Variants in HS6ST3 observed in about 807,000 individuals in gnomAD.
HS6ST3 encodes the protein heparan-sulfate 6-O-sulfotransferase 3.
In HS6ST3, 12 loss-of-function variants were observed where a neutral mutation model predicts 36.7. That is an observed-to-expected ratio of 0.33 (90% confidence interval 0.21 to 0.53). HS6ST3 has a LOEUF of 0.53. Among genes scored for constraint, HS6ST3 ranks in the 20% least tolerant of loss-of-function variants. The pLI is 0.95. For missense variants in HS6ST3, 584 were observed against 640.9 expected (o/e 0.91, Z 0.96); for synonymous variants, 240 against 257.5 (o/e 0.93, Z 0.65).
chr13:96,501,186 C>T (rs1316454402), intron 1 of HS6ST3, among the ~76,000 whole-genome samples: 1 of 152,128 alleles, frequency 6.6e-6, no homozygotes, highest in African/African-American at 2.4e-5. Flanking sequence ...TGAGATTAGT[C>T]ATTAGTGTGT....
intron 1 of HS6ST3, among the ~76,000 whole-genome samples, chr13:96,443,187 T>A (rs918571393): frequency 1.3e-4 from 19 of 148,538 alleles, no homozygotes; most frequent in African/African-American, 5.0e-4. Flanking sequence ...TGAAAAATGA[T>A]TTTTTTTGTA....
intron 1 of HS6ST3, among the ~76,000 whole-genome samples, chr13:96,618,685 G>A (rs1424539727): frequency 6.6e-6 from 1 of 152,212 alleles, no homozygotes; most frequent in African/African-American, 2.4e-5. Flanking sequence ...CCTAACGCAT[G>A]GAAGAGGACT....
intron 1 of HS6ST3, among the ~76,000 whole-genome samples, chr13:96,224,755 G>T (rs2054472349): frequency 6.6e-6 from 1 of 152,192 alleles, no homozygotes; most frequent in Admixed American, 6.5e-5. Context: ...GTCATCGAAG[G>T]TTACAGAGCC....
chr13:96,803,956 C>T (rs1193840252), intron 1 of HS6ST3, among the ~76,000 whole-genome samples: 1 of 152,060 alleles, frequency 6.6e-6, no homozygotes, highest in Non-Finnish European at 1.5e-5. Flanking sequence ...AGGTGTGGGT[C>T]CTGCCCTCAA....
chr13:96,789,169 T>C (rs1305467784), intron 1 of HS6ST3, among the ~76,000 whole-genome samples: 1 of 151,906 alleles, frequency 6.6e-6, no homozygotes, highest in Non-Finnish European at 1.5e-5. Context: ...AGTTTTTAAA[T>C]ATTTCTCTTT....
At chr13:96,466,508 G>A (rs2055814491) in intron 1 of HS6ST3, among the ~76,000 whole-genome samples, 1 of 152,174 alleles carries the variant, frequency 6.6e-6, no homozygotes, top group Non-Finnish European at 1.5e-5. Context: ...GGTTCCACAT[G>A]TAACTGAAAT....
chr13:96,488,891 AT>A (rs941705114), intron 1 of HS6ST3, among the ~76,000 whole-genome samples: 149 of 151,806 alleles, frequency 9.8e-4, no homozygotes, highest in African/African-American at 3.2e-3. Flanking sequence ...CTTAAAAAGC[AT>A]TTTTTTTCTA....
intron 1 of HS6ST3, among the ~76,000 whole-genome samples, chr13:96,736,416 T>C (rs969063829): frequency 2.0e-5 from 3 of 152,144 alleles, no homozygotes. Flanking sequence ...AAGAGTGCAG[T>C]TCTAACAGTG....
intron 1 of HS6ST3, among the ~76,000 whole-genome samples, chr13:96,468,059 T>C (rs1328051): frequency 0.83 from 125,530 of 152,130 alleles, 53,553 homozygotes; most frequent in Non-Finnish European, 0.95. Context: ...CGTTTCTTTA[T>C]GCTGACATCT....
chr13:96,407,327 C>A (rs2139460301), intron 1 of HS6ST3, among the ~76,000 whole-genome samples: 1 of 152,234 alleles, frequency 6.6e-6, no homozygotes, highest in East Asian at 1.9e-4. Flanking sequence ...TTGGTTAAGA[C>A]CTTAAACTTG....
intron 1 of HS6ST3, among the ~76,000 whole-genome samples, chr13:96,328,349 C>T (rs1366581837): frequency 1.4e-3 from 214 of 150,970 alleles, no homozygotes; most frequent in South Asian, 0.011. Flanking sequence ...TTTTGAAATA[C>T]GTCCCATCAA....
intron 1 of HS6ST3, among the ~76,000 whole-genome samples, chr13:96,708,964 T>C (rs1469383626): frequency 1.3e-5 from 2 of 152,188 alleles, no homozygotes; most frequent in African/African-American, 4.8e-5. Flanking sequence ...TTTCTGACCC[T>C]CAACATGTGA....
At chr13:96,521,458 C>T (rs188054059) in intron 1 of HS6ST3, among the ~76,000 whole-genome samples, 8 of 152,248 alleles carry the variant, frequency 5.3e-5, no homozygotes, top group Non-Finnish European at 1.2e-4. Context: ...TTGTAGAATT[C>T]GGTTGTGAAT....
intron 1 of HS6ST3, among the ~76,000 whole-genome samples, chr13:96,352,716 T>A (rs1386930065): frequency 6.6e-6 from 1 of 152,126 alleles, no homozygotes; most frequent in African/African-American, 2.4e-5. Flanking sequence ...AGTCCCAATG[T>A]TTATAACAGA....
At chr13:96,721,667 C>T (rs1046976152) in intron 1 of HS6ST3, among the ~76,000 whole-genome samples, 1 of 152,070 alleles carries the variant, frequency 6.6e-6, no homozygotes, top group Admixed American at 6.6e-5. Flanking sequence ...ATCTACATTA[C>T]CTTATCTAAA....
chr13:96,342,614 C>G (rs7323332), intron 1 of HS6ST3, among the ~76,000 whole-genome samples: 72,014 of 152,056 alleles, frequency 0.47, 17,427 homozygotes, highest in African/African-American at 0.56. Context: ...ACAGAATCCA[C>G]ACAAAGCAAT....
In HS6ST3 at chr13:96,125,810, A is replaced by C. The variant is rs1217280195; in HGVS notation, c.707+34241A>C. Among the ~76,000 whole-genome samples the C allele has an allele frequency of 4.0e-5, 6 of 151,248 alleles. No homozygotes were observed. The East Asian group carries it at 1.2e-3, about 29-fold the overall frequency. ...TTATTATTATTATACTTTAAGTTTT[A>C]GGGTACATGTGCACAATGTGCAGGT... On this transcript the variant is annotated intron_variant, in intron 1 of 1. Coordinates refer to ENST00000376705, the MANE Select transcript of HS6ST3 (RefSeq NM_153456.4).
At chr13:96,614,297 C>CAAAAAAAAAAAAAAAAAAA (rs67979751) in intron 1 of HS6ST3, among the ~76,000 whole-genome samples, 2 of 43,946 alleles carry the variant, frequency 4.6e-5, no homozygotes, top group Non-Finnish European at 3.8e-5. Flanking sequence ...GGATCCATCT[C>CAAAAAAAAAAAAAAAAAAA]AAAAAAAAAA....
chr13:96,713,679 A>G (rs1344960976), intron 1 of HS6ST3, among the ~76,000 whole-genome samples: 1 of 152,202 alleles, frequency 6.6e-6, no homozygotes, highest in Non-Finnish European at 1.5e-5. Context: ...AGAAGCAGCC[A>G]GACATGGTTT....
Sources: gnomAD v4.1 joint callset for allele counts (sites outside exome capture counted in the v4.1 genomes callset) on GRCh38, gnomAD v4.1.1 for gene constraint, MANE v1.5 for transcripts, NCBI Gene and HGNC (gene_info 2026-07-23, HGNC 2026-07-21) for gene names.